SYT7: variants seen among roughly 807,000 people sequenced by gnomAD.
The protein encoded by SYT7 is synaptotagmin-7.
Under a neutral mutation model 75.1 loss-of-function variants are expected in SYT7, and 29 were observed. The ratio of observed to expected loss-of-function variants is 0.39; its 90% confidence interval spans 0.29 to 0.53. SYT7 has a LOEUF of 0.53. Ranked by LOEUF, SYT7 falls within the 20% of genes least tolerant of loss-of-function variation. The pLI is 0.77. For missense variants in SYT7, 693 were observed against 953.2 expected (o/e 0.73, Z 3.59); for synonymous variants, 376 against 401.7 (o/e 0.94, Z 0.76).
In SYT7 at chr11:61,546,465, A is replaced by C; in HGVS notation, c.348-210T>G. 4 of 490,240 alleles carry C rather than the reference A, an allele frequency of 8.2e-6. No individual in the cohort carries two copies. Among genetic ancestry groups the C allele is most frequent in the Non-Finnish European group, 7.4e-6 (2 of 269,936 alleles). 30.4% of individuals were successfully genotyped at this position (490,240 alleles called of 1,614,324 possible). ...AGAGAGAGAGACATCAGCACTGCAA[A>C]TGGGTTAACAGCGGAGCCTGCAGAG... On this transcript the variant is annotated intron_variant, in intron 4 of 12. Coordinates refer to ENST00000539008, the MANE Select transcript of SYT7 (RefSeq NM_001365809.2). This position sits in a 1 kb window ranked among gnomAD's most constrained non-coding sequence, Gnocchi z 7.6.
rs541032686 is a variant in SYT7, at chr11:61,523,068, C to T, written c.1956+7G>A. ...CAGGTGCACCACACCACCTGCCTCG[C>T]CCCTACCTTGCCGATGACGTCATTG... On this transcript the variant is annotated splice_region_variant and intron_variant, in intron 12 of 12. Transcript: ENST00000539008. The surrounding 1 kb of genome is among the most constrained non-coding windows in gnomAD (Gnocchi z 5.0). 1.2e-6 allele frequency: 2 copies of T among 1,614,042 alleles called. No homozygotes were observed. Among genetic ancestry groups the T allele is most frequent in the South Asian group, 2.2e-5 (2 of 91,076 alleles).
the SYT7 span, among the ~76,000 whole-genome samples, chr11:61,588,102 C>T: frequency 1.3e-5 from 2 of 152,292 alleles, no homozygotes; most frequent in South Asian, 4.1e-4. Flanking sequence ...TGGCTCTGGG[C>T]TCAGGAGGAT....
chr11:61,584,952 G>T (rs1398631431), upstream of SYT7, among the ~76,000 whole-genome samples: 9 of 152,206 alleles, frequency 5.9e-5, no homozygotes, highest in African/African-American at 2.2e-4. Flanking sequence ...GTTCCATGAC[G>T]TGGCAGGAAA....
rs1474265817 is a variant in SYT7, at chr11:61,517,204, G to A, written c.*1423C>T. ...GTCTTGTATCAATACCAGGACCAGCGTGGGGATGAGAGGGCTTAAGCAGGG... is the reference window on the plus strand; with the variant it reads ...GTCTTGTATCAATACCAGGACCAGCATGGGGATGAGAGGGCTTAAGCAGGG... On this transcript the variant is annotated 3_prime_UTR_variant, in exon 13 of 13. Coordinates refer to ENST00000539008, the MANE Select transcript of SYT7 (RefSeq NM_001365809.2). 7.5e-6 allele frequency: 3 copies of A among 398,528 alleles called. No homozygotes were observed. Among genetic ancestry groups the A allele is most frequent in the Non-Finnish European group, 1.3e-5 (3 of 226,082 alleles). 24.7% of individuals were successfully genotyped at this position (398,528 alleles called of 1,614,324 possible).
At position 61,515,599 on chromosome 11, in the gene SYT7, C is replaced by T. The variant is rs2062129883; in HGVS notation, c.*3028G>A. ...CAAACAGTGGCCACCAATCCCCACC[C>T]CTGGGGCTCCGGGGAGCCCCCCTGG... On this transcript the variant is annotated 3_prime_UTR_variant, in exon 13 of 13. Transcript: ENST00000539008. The T allele has an allele frequency of 6.6e-6, 1 of 152,568 alleles. No homozygotes were observed. Among genetic ancestry groups the T allele is most frequent in the South Asian group, 2.1e-4 (1 of 4,814 alleles). The allele number at this position is 152,568 out of a possible 1,614,324, so 9.5% of individuals were successfully genotyped here. A position where few individuals can be genotyped will look rare whatever the true frequency, so the allele number is the denominator to read the frequency against.
At chr11:61,545,944 A>G in intron 5 of SYT7, 87 bp downstream of exon 5, 1 of 1,224,270 alleles carries the variant, frequency 8.2e-7, no homozygotes, top group Non-Finnish European at 1.1e-6. Context: ...TGGGGGCAGC[A>G]GCGGGCATGC....
chr11:61,561,980 TGAGTTGA>T (rs2063647338), intron 1 of SYT7, among the ~76,000 whole-genome samples: 1 of 151,960 alleles, frequency 6.6e-6, no homozygotes, highest in Non-Finnish European at 1.5e-5. Context: ...GCTGCAGTGA[TGAGTTGA>T]GAGCTCTCTT....
At chr11:61,532,921 C>A (rs1165352062) in intron 8 of SYT7, 68 bp downstream of exon 8, 7 of 1,591,646 alleles carry the variant, frequency 4.4e-6, no homozygotes, top group Admixed American at 1.7e-5. Flanking sequence ...CCACACACAT[C>A]CCTCTTCTTC....
In SYT7 at chr11:61,552,280, C is replaced by T. The variant is rs953742988; in HGVS notation, c.136-817G>A. Among the ~76,000 whole-genome samples the T allele has an allele frequency of 5.9e-5, 9 of 152,082 alleles. 1 individual carries two copies. Among genetic ancestry groups the T allele is most frequent in the Admixed American group, 1.3e-4 (2 of 15,274 alleles). Reference sequence around the variant, plus strand: ...AAATTTAGCTCATGCAGAGCCTAGCCCCATTAACATTCCTGGCTGCCACCA... The same window carrying T: ...AAATTTAGCTCATGCAGAGCCTAGCTCCATTAACATTCCTGGCTGCCACCA... On this transcript the variant is annotated intron_variant, in intron 2 of 12. Coordinates refer to ENST00000539008, the MANE Select transcript of SYT7 (RefSeq NM_001365809.2).
intron 6 of SYT7, chr11:61,541,215 C>T (rs370775196): frequency 1.0e-4 from 100 of 985,580 alleles, no homozygotes; most frequent in Non-Finnish European, 1.2e-4. Context: ...CCTTTCTCCT[C>T]GCCCAGGCTT....
upstream of SYT7, among the ~76,000 whole-genome samples, chr11:61,583,773 G>A (rs944205775): frequency 1.3e-5 from 2 of 152,212 alleles, no homozygotes; most frequent in East Asian, 1.9e-4. Context: ...CAAGAGAAAC[G>A]CCATGAGATA....
intron 8 of SYT7, chr11:61,530,914 C>T (rs2062685206): frequency 1.0e-6 from 1 of 985,342 alleles, no homozygotes; most frequent in Non-Finnish European, 1.2e-6. Context: ...TTCCTGAGCG[C>T]TTGCACCAGC....
chr11:61,528,203 G>A lies in SYT7; in HGVS notation c.1201-18C>T. 1 of 1,607,258 alleles carries A rather than the reference G, an allele frequency of 6.2e-7. No homozygotes were observed. Among genetic ancestry groups the A allele is most frequent in the Non-Finnish European group, 8.5e-7 (1 of 1,179,240 alleles). Reference sequence around the variant, plus strand: ...GGGGAGAGCTGGGGGTGGGGGAGAGGCCGGCAGGGTTTGGGGAGGATTCTG... The same window carrying A: ...GGGGAGAGCTGGGGGTGGGGGAGAGACCGGCAGGGTTTGGGGAGGATTCTG... On this transcript the variant is annotated intron_variant, in intron 8 of 12. Coordinates refer to ENST00000539008, the MANE Select transcript of SYT7 (RefSeq NM_001365809.2).
Position 61,523,783 on chromosome 11 carries a change from G to A in SYT7, c.1756+44C>T, listed in dbSNP as rs1230393354. The A allele has an allele frequency of 5.1e-6, 8 of 1,581,930 alleles. No homozygotes were observed. The Admixed American group carries it at 1.3e-4, about 26-fold the overall frequency. On this transcript the variant is annotated intron_variant, in intron 11 of 12. Coordinates refer to ENST00000539008, the MANE Select transcript of SYT7 (RefSeq NM_001365809.2). This position sits in a 1 kb window ranked among gnomAD's most constrained non-coding sequence, Gnocchi z 5.0. ...ATCCGGTGTAAACCTTGTGTCACCA[G>A]CACCTCCCCGGCCCGCCCATCCTCT...
Position 61,546,086 on chromosome 11 carries a change from C to T in SYT7, c.517G>A (p.Gly173Ser). 1 of 1,531,988 alleles carries T rather than the reference C, an allele frequency of 6.5e-7. No individual in the cohort carries two copies. Among genetic ancestry groups the T allele is most frequent in the Non-Finnish European group, 8.7e-7 (1 of 1,145,052 alleles). 94.9% of individuals were successfully genotyped at this position (1,531,988 alleles called of 1,614,324 possible). The stretch of plus-strand genomic sequence containing the variant: ...TGGCTCTGCACCGTCCGCCAGCGGC[C>T]TCTCCCCGCCTTGCCACCGCTGCCC... ...EPGSGGKAGR[G>S]RWRTVQSHLA... The change falls in exon 5 of 13, where the codon GGC (glycine) becomes AGC (serine). Residue 173 changes from glycine (G) to serine (S), a missense_variant. Gly to Ser is a moderately conservative substitution (Grantham distance 56). Around this residue, in one of 2 missense-constraint regions of SYT7, gnomAD observed 487 missense variants for 593.2 expected, o/e 0.82. Coordinates refer to ENST00000539008, the MANE Select transcript of SYT7 (RefSeq NM_001365809.2). This position sits in a 1 kb window ranked among gnomAD's most constrained non-coding sequence, Gnocchi z 7.6.
chr11:61,577,275 G>A (rs968500667), intron 1 of SYT7, among the ~76,000 whole-genome samples: 9 of 152,230 alleles, frequency 5.9e-5, no homozygotes, highest in Non-Finnish European at 1.2e-4. Context: ...CCTCCACTGT[G>A]TCCTGGCCTG....
At chr11:61,541,484 G>C (rs1486355486) in intron 6 of SYT7, among the ~76,000 whole-genome samples, 1 of 152,184 alleles carries the variant, frequency 6.6e-6, no homozygotes, top group Non-Finnish European at 1.5e-5. Flanking sequence ...GTTAAGGTTA[G>C]ACACTGATGG....
chr11:61,572,707 C>T (rs1239967335), intron 1 of SYT7, among the ~76,000 whole-genome samples: 1 of 152,210 alleles, frequency 6.6e-6, no homozygotes, highest in Admixed American at 6.5e-5. Context: ...CTTTCCCTGA[C>T]CTTCCATTTC....
At chr11:61,574,473 T>C (rs2064011173) in intron 1 of SYT7, among the ~76,000 whole-genome samples, 1 of 152,174 alleles carries the variant, frequency 6.6e-6, no homozygotes, top group Non-Finnish European at 1.5e-5. Flanking sequence ...GCTATTATCA[T>C]ACTATTGTTA....
Sources: allele counts gnomAD v4.1 joint callset (sites outside exome capture counted in the v4.1 genomes callset), GRCh38; gene constraint gnomAD v4.1.1; regional missense constraint gnomAD v4.1.1; non-coding constraint Gnocchi (gnomAD v3.1); transcripts MANE v1.5; gene names NCBI Gene and HGNC (gene_info 2026-07-23, HGNC 2026-07-21).